Variants in LRMDA observed in about 807,000 individuals in gnomAD.
LRMDA encodes leucine rich melanocyte differentiation associated.
Under a neutral mutation model 29.8 loss-of-function variants are expected in LRMDA, and 18 were observed. That is an observed-to-expected ratio of 0.60 (90% CI 0.42 to 0.90). LRMDA has a LOEUF of 0.90. Among genes scored for constraint, LRMDA ranks in the 40% least tolerant of loss-of-function variants. The probability of loss-of-function intolerance (pLI) is 0.00; values close to 1 mark genes in which losing one functional copy is unlikely to be tolerated. For synonymous variants in LRMDA, 125 were observed against 109.4 expected (o/e 1.14, Z -0.89); for missense variants, 273 against 273.9 (o/e 1.00, Z 0.02).
At chr10:75,619,618 A>G (rs1339223027) in intron 2 of LRMDA, among the ~76,000 whole-genome samples, 1 of 152,126 alleles carries the variant, frequency 6.6e-6, no homozygotes, top group African/African-American at 2.4e-5. Context: ...TTTCTAGCTC[A>G]TTTTCTCTGA....
chr10:75,992,680 T>A (rs938552008), intron 2 of LRMDA, among the ~76,000 whole-genome samples: 10 of 152,166 alleles, frequency 6.6e-5, no homozygotes, highest in African/African-American at 2.2e-4. Flanking sequence ...CCCTAAGTTA[T>A]GAGGAGCCTG....
intron 5 of LRMDA, among the ~76,000 whole-genome samples, chr10:76,165,541 G>T (rs144134951): frequency 1.3e-5 from 2 of 152,198 alleles, no homozygotes; most frequent in Non-Finnish European, 2.9e-5. Context: ...CAAAGTGCTG[G>T]GATTACAGGC....
intron 2 of LRMDA, among the ~76,000 whole-genome samples, chr10:75,578,215 CAAAAA>C (rs1183989010): frequency 1.1e-3 from 16 of 14,226 alleles, no homozygotes; most frequent in East Asian, 0.01. Context: ...AAATGGAAAG[CAAAAA>C]AAAAAAAAAA....
intron 1 of LRMDA, among the ~76,000 whole-genome samples, chr10:75,432,473 T>C (rs758668627): frequency 6.6e-6 from 1 of 152,338 alleles, no homozygotes; most frequent in Non-Finnish European, 1.5e-5. Context: ...CAGGTGTTCA[T>C]TGTTGGAGGG....
At chr10:76,434,006 C>T (rs147963132) in intron 6 of LRMDA, among the ~76,000 whole-genome samples, 278 of 152,310 alleles carry the variant, frequency 1.8e-3, no homozygotes, top group African/African-American at 6.4e-3. Flanking sequence ...TATCCCACTC[C>T]ACCTCACCTT....
intron 6 of LRMDA, among the ~76,000 whole-genome samples, chr10:76,509,173 G>A (rs889533390): frequency 6.6e-6 from 1 of 152,114 alleles, no homozygotes; most frequent in African/African-American, 2.4e-5. Flanking sequence ...TAGAAAATAT[G>A]CAGGTACATG....
intron 2 of LRMDA, among the ~76,000 whole-genome samples, chr10:75,669,536 A>T (rs1841865699): frequency 1.3e-5 from 2 of 152,240 alleles, no homozygotes; most frequent in African/African-American, 4.8e-5. Context: ...ATTATCACAA[A>T]CATTGATCTG....
intron 6 of LRMDA, among the ~76,000 whole-genome samples, chr10:76,359,337 G>T (rs563991154): frequency 6.6e-6 from 1 of 152,290 alleles, no homozygotes; most frequent in South Asian, 2.1e-4. Context: ...CCCTTGGTAG[G>T]AGATGGAGAA....
intron 2 of LRMDA, among the ~76,000 whole-genome samples, chr10:75,860,512 G>C (rs1055680173): frequency 6.6e-6 from 1 of 151,910 alleles, no homozygotes; most frequent in Non-Finnish European, 1.5e-5. Flanking sequence ...GGTAGAGACA[G>C]GGTTTCACCA....
At chr10:75,910,956 A>G (rs1478352581) in intron 2 of LRMDA, among the ~76,000 whole-genome samples, 1 of 152,120 alleles carries the variant, frequency 6.6e-6, no homozygotes, top group Non-Finnish European at 1.5e-5. Context: ...GGTTGCGTCA[A>G]TGGAGTAATC....
chr10:75,875,038 A>G (rs1845173084), intron 2 of LRMDA, among the ~76,000 whole-genome samples: 1 of 152,218 alleles, frequency 6.6e-6, no homozygotes, highest in African/African-American at 2.4e-5. Context: ...CTTGCATGCC[A>G]ATATCAATCA....
At chr10:75,974,966 G>A (rs542963596) in intron 2 of LRMDA, among the ~76,000 whole-genome samples, 1 of 152,316 alleles carries the variant, frequency 6.6e-6, no homozygotes, top group African/African-American at 2.4e-5. Context: ...TGAGGAAGAT[G>A]GATGCTTTAA....
chr10:75,534,472 G>A (rs1271957187), intron 2 of LRMDA, among the ~76,000 whole-genome samples: 2 of 152,118 alleles, frequency 1.3e-5, no homozygotes, highest in Non-Finnish European at 2.9e-5. Flanking sequence ...AATATTGTGG[G>A]TGCATATATT....
intron 6 of LRMDA, among the ~76,000 whole-genome samples, chr10:76,415,809 G>T (rs1034173586): frequency 1.3e-5 from 2 of 152,124 alleles, no homozygotes; most frequent in East Asian, 3.9e-4. Flanking sequence ...ACATGTTCCT[G>T]TGCGCACGAG....
At chr10:76,225,570 A>C (rs182342084) in intron 5 of LRMDA, among the ~76,000 whole-genome samples, 1 of 152,158 alleles carries the variant, frequency 6.6e-6, no homozygotes, top group African/African-American at 2.4e-5. Context: ...GGTTGTTAAA[A>C]AGAGCCTGGA....
At chr10:76,274,011 T>C (rs979244607) in intron 5 of LRMDA, among the ~76,000 whole-genome samples, 7 of 152,206 alleles carry the variant, frequency 4.6e-5, no homozygotes. Context: ...AAGCAGGATA[T>C]ATATTTCTAA....
chr10:76,365,107 T>TATATATATATATATATACACACAC (rs141131236), intron 6 of LRMDA, among the ~76,000 whole-genome samples: 31 of 61,242 alleles, frequency 5.1e-4, no homozygotes, highest in Middle Eastern at 0.015. Context: ...TATATATATA[T>TATATATATATATATATACACACAC]ACACACACAC....
chr10:76,187,847 A>G (rs1851176732), intron 5 of LRMDA, among the ~76,000 whole-genome samples: 1 of 152,170 alleles, frequency 6.6e-6, no homozygotes, highest in Admixed American at 6.5e-5. Flanking sequence ...TTAGCAATTC[A>G]GAGAAAGGCA....
intron 2 of LRMDA, among the ~76,000 whole-genome samples, chr10:75,899,403 G>A (rs1008593907): frequency 6.6e-6 from 1 of 152,246 alleles, no homozygotes; most frequent in Admixed American, 6.5e-5. Flanking sequence ...GATGTGCCCA[G>A]TGTGCTACGT....
Sources: gnomAD v4.1 joint callset for allele counts (sites outside exome capture counted in the v4.1 genomes callset) on GRCh38, gnomAD v4.1.1 for gene constraint, MANE v1.5 for transcripts, NCBI Gene and HGNC (gene_info 2026-07-23, HGNC 2026-07-21) for gene names.